The following RYR3 variants were observed in gnomAD, a reference collection of about 807,000 sequenced individuals.
RYR3 encodes the protein ryanodine receptor 3, also known as brain ryanodine receptor-calcium release channel.
RYR3 carries 207 observed loss-of-function variants against 584.3 expected under a neutral mutation model. The observed-to-expected ratio is 0.35, with a 90% CI of 0.32 to 0.40. RYR3 has a LOEUF of 0.40. Among genes scored for constraint, RYR3 ranks in the 10% least tolerant of loss-of-function variants. RYR3 has a pLI of 1.00. For missense variants in RYR3, 5,616 were observed against 6,089.2 expected (o/e 0.92, Z 2.59); for synonymous variants, 2,416 against 2,248.5 (o/e 1.07, Z -2.11).
At chr15:33,695,436 T>C in intron 38 of RYR3, among the ~76,000 whole-genome samples, 1 of 124,056 alleles carries the variant, frequency 8.1e-6, no homozygotes, top group East Asian at 2.5e-4. Flanking sequence ...AAAATTTCCG[T>C]AAAACCAGTA....
chr15:33,857,936 G>T (rs772377160), intron 99 of RYR3, 22 bp downstream of exon 99: 28 of 1,379,264 alleles, frequency 2.0e-5, no homozygotes, highest in Non-Finnish European at 2.6e-5. Flanking sequence ...CCCACTGCGG[G>T]GCCAGCCCAC....
rs1555427717 is a variant in RYR3, at chr15:33,725,993, A to AAAAAAC, written c.6913-389_6913-388insACAAAA. ...CCCCCCCCCAAAAAAAAAAAAAAAA[A>AAAAAAC]AAAACAGAATTCTAGAGTCTGGCAT... On this transcript the variant is annotated intron_variant, in intron 45 of 103. Coordinates refer to ENST00000634891, the MANE Select transcript of RYR3 (RefSeq NM_001036.6). Among the ~76,000 whole-genome samples the AAAAAAC allele has an allele frequency of 9.5e-4, 75 of 79,074 alleles. 14 individuals carry two copies. Among genetic ancestry groups the AAAAAAC allele is most frequent in the Non-Finnish European group, 1.5e-3 (56 of 36,698 alleles). The allele number at this position is 79,074 out of a possible 152,430, so 51.9% of individuals were successfully genotyped here. A position where few individuals can be genotyped will look rare whatever the true frequency, so the allele number is the denominator to read the frequency against.
chr15:33,359,856 C>T (rs1056747339), intron 1 of RYR3, among the ~76,000 whole-genome samples: 6 of 152,016 alleles, frequency 3.9e-5, no homozygotes, highest in South Asian at 2.1e-4. Flanking sequence ...CTCCTGACCT[C>T]GTGATCCGTC....
chr15:33,800,179 A>G (rs771676911), intron 67 of RYR3, among the ~76,000 whole-genome samples: 1 of 152,194 alleles, frequency 6.6e-6, no homozygotes, highest in Non-Finnish European at 1.5e-5. Flanking sequence ...TTTAGAGGGC[A>G]TAGATGAAGA....
chr15:33,741,738 T>C (rs1469515587), intron 51 of RYR3, among the ~76,000 whole-genome samples: 2 of 152,086 alleles, frequency 1.3e-5, no homozygotes, highest in Non-Finnish European at 2.9e-5. Context: ...CTCAGCCTCC[T>C]GAGTAGCTGG....
At chr15:33,615,679 G>C (rs1214617430) in intron 19 of RYR3, among the ~76,000 whole-genome samples, 5 of 152,186 alleles carry the variant, frequency 3.3e-5, no homozygotes, top group African/African-American at 1.2e-4. Context: ...TCTAAGAGTT[G>C]AAAGTTCTTC....
chr15:33,389,840 G>A (rs930307633), intron 1 of RYR3, among the ~76,000 whole-genome samples: 1 of 152,030 alleles, frequency 6.6e-6, no homozygotes, highest in African/African-American at 2.4e-5. Context: ...AGTATTTATG[G>A]GTTATTATTA....
chr15:33,488,846 A>G (rs2050724720), intron 2 of RYR3, among the ~76,000 whole-genome samples: 1 of 151,998 alleles, frequency 6.6e-6, no homozygotes, highest in African/African-American at 2.4e-5. Flanking sequence ...GCGAGACTCT[A>G]TCTCAAAAAA....
intron 1 of RYR3, among the ~76,000 whole-genome samples, chr15:33,405,743 A>G (rs1455422960): frequency 2.6e-5 from 4 of 152,164 alleles, no homozygotes; most frequent in Admixed American, 1.3e-4. Flanking sequence ...TGTTAATCGA[A>G]CTGGGTAGTC....
chr15:33,732,406 A>T (rs1340456805), intron 48 of RYR3, among the ~76,000 whole-genome samples: 1 of 144,960 alleles, frequency 6.9e-6, no homozygotes, highest in Non-Finnish European at 1.5e-5. Context: ...AAAAAAAGCG[A>T]CCTACCTCTA....
At chr15:33,849,476 T>A (rs947348070) in intron 94 of RYR3, 1 of 152,220 alleles carries the variant, frequency 6.6e-6, no homozygotes, top group Non-Finnish European at 1.5e-5. Flanking sequence ...GCTTGGCAAA[T>A]GCCTGGCACG....
Position 33,726,435 on chromosome 15 carries a change from G to A in RYR3, c.6962G>A (p.Arg2321His), listed in dbSNP as rs755513741. The change falls in exon 46 of 104, where the codon CGC becomes CAC. Residue 2321 changes from arginine (R) to histidine (H), a missense_variant. Arg to His is a conservative substitution (Grantham distance 29). Transcript: ENST00000634891. ...GEAIRIRSIL[R>H]SLVPTEDLVG... ...GCCATCCGCATCAGGTCCATCCTGCGCTCCCTGGTCCCCACAGAAGACCTG... is the reference window on the plus strand; with the variant it reads ...GCCATCCGCATCAGGTCCATCCTGCACTCCCTGGTCCCCACAGAAGACCTG... 3.7e-6 allele frequency: 6 copies of A among 1,611,524 alleles called. No homozygotes were observed. The highest frequency in any genetic ancestry group is 2.2e-5 in the East Asian group (1 of 44,834).
intron 81 of RYR3, among the ~76,000 whole-genome samples, chr15:33,823,300 C>T (rs901618670): frequency 6.6e-6 from 1 of 152,170 alleles, no homozygotes; most frequent in Non-Finnish European, 1.5e-5. Flanking sequence ...TACACACGCT[C>T]CCCCACTGCT....
At chr15:33,457,805 T>C (rs558610667) in intron 1 of RYR3, among the ~76,000 whole-genome samples, 35 of 152,318 alleles carry the variant, frequency 2.3e-4, no homozygotes, top group African/African-American at 8.2e-4. Context: ...ATACAACATA[T>C]GTATTGAAAC....
chr15:33,635,714 AGTG>A lies in RYR3; in HGVS notation c.3280_3282del (p.Val1094del). Reference sequence around the variant, plus strand: ...CTGGAAAGTGGTATTTTGAGTTTGAAGTGGTGACTGGAGGAGACATGCGAGTCG... The same window carrying A: ...CTGGAAAGTGGTATTTTGAGTTTGAAGTGACTGGAGGAGACATGCGAGTCG... On this transcript the variant is annotated inframe_deletion, in exon 26 of 104. Transcript: ENST00000634891. 2 of 1,613,986 alleles carry A rather than the reference AGTG, an allele frequency of 1.2e-6. No individual in the cohort carries two copies. The highest frequency in any genetic ancestry group is 8.5e-7 in the Non-Finnish European group (1 of 1,179,870).
intron 45 of RYR3, among the ~76,000 whole-genome samples, chr15:33,725,978 A>ACGCC (rs1567033941): frequency 1.7e-4 from 4 of 23,312 alleles, no homozygotes; most frequent in Admixed American, 4.5e-4. Context: ...CCCCCCCCCA[A>ACGCC]AAAAAAAAAA....
chr15:33,369,667 T>A (rs1195262280), intron 1 of RYR3, among the ~76,000 whole-genome samples: 1 of 152,222 alleles, frequency 6.6e-6, no homozygotes, highest in Non-Finnish European at 1.5e-5. Flanking sequence ...ATTGCTCAGA[T>A]CCTTCTCTGC....
chr15:33,341,540 T>C (rs1240924049), intron 1 of RYR3, among the ~76,000 whole-genome samples: 13 of 152,164 alleles, frequency 8.5e-5, no homozygotes, highest in Admixed American at 7.9e-4. Flanking sequence ...AACCACAACC[T>C]GGAAATAGAT....
chr15:33,397,186 C>T (rs1351356371), intron 1 of RYR3, among the ~76,000 whole-genome samples: 1 of 152,160 alleles, frequency 6.6e-6, no homozygotes, highest in Non-Finnish European at 1.5e-5. Flanking sequence ...GCTGGGAAAA[C>T]ATACCTCCAG....
Sources: allele counts gnomAD v4.1 joint callset (sites outside exome capture counted in the v4.1 genomes callset), GRCh38; gene constraint gnomAD v4.1.1; transcripts MANE v1.5; gene names NCBI Gene and HGNC (gene_info 2026-07-23, HGNC 2026-07-21).